The following FAT1 variants were observed in gnomAD, a reference collection of about 807,000 sequenced individuals.
FAT1 encodes protocadherin Fat 1.
Under a neutral mutation model 329.8 loss-of-function variants are expected in FAT1, and 171 were observed. That is an observed-to-expected ratio of 0.52 (90% confidence interval 0.46 to 0.59). The LOEUF is 0.59. Among genes scored for constraint, FAT1 ranks in the 20% least tolerant of loss-of-function variants. The pLI, the probability that FAT1 is intolerant of heterozygous loss-of-function variation, is 0.00. For missense variants in FAT1, 5,672 were observed against 5,774.4 expected, an observed-to-expected ratio of 0.98 and a Z score of 0.57; for synonymous variants, 2,233 against 2,228.6, an observed-to-expected ratio of 1.00 and a Z score of -0.06.
chr4:186,713,361 T>C (rs1435095148), intron 1 of FAT1, among the ~76,000 whole-genome samples: 6 of 152,144 alleles, frequency 3.9e-5, no homozygotes, highest in African/African-American at 1.2e-4. Flanking sequence ...CCTGATTAGA[T>C]TGGGGTTCTG....
At chr4:186,686,240 C>A (rs1214067197) in intron 2 of FAT1, among the ~76,000 whole-genome samples, 2 of 143,316 alleles carry the variant, frequency 1.4e-5, no homozygotes, top group African/African-American at 5.1e-5. Flanking sequence ...GAATTTTCAC[C>A]CCCCCCCGAC....
Position 186,609,806 on chromosome 4 carries a change from TGACA to T in FAT1, c.10059_10062del (p.Val3354SerfsTer21). The T allele has an allele frequency of 6.2e-7, 1 of 1,609,756 alleles. No individual in the cohort carries two copies. The highest frequency in any genetic ancestry group is 8.5e-7 in the Non-Finnish European group (1 of 1,175,974). On this transcript the variant is annotated frameshift_variant, in exon 15 of 27. Coordinates refer to ENST00000441802, the MANE Select transcript of FAT1 (RefSeq NM_005245.4). LOFTEE classifies it high-confidence loss of function. Reference sequence around the variant, plus strand: ...AATGGGGAAAAAATACACACCGTGATGACAGACTGCTCAAGAACGGCATCTTCAC... The same window carrying T: ...AATGGGGAAAAAATACACACCGTGATGACTGCTCAAGAACGGCATCTTCAC...
At chr4:186,668,064 G>A (rs558793885) in intron 2 of FAT1, among the ~76,000 whole-genome samples, 65 of 152,278 alleles carry the variant, frequency 4.3e-4, no homozygotes, top group Admixed American at 1.6e-3. Flanking sequence ...GACGGGAGAC[G>A]ATCTGAGGAT....
At chr4:186,702,431 C>T (rs1402594295) in intron 2 of FAT1, among the ~76,000 whole-genome samples, 3 of 152,078 alleles carry the variant, frequency 2.0e-5, no homozygotes, top group Non-Finnish European at 4.4e-5. Flanking sequence ...TCCTGGGCTG[C>T]TTTGTATACT....
intron 2 of FAT1, among the ~76,000 whole-genome samples, chr4:186,673,660 A>G (rs1249123069): frequency 1.3e-5 from 2 of 152,254 alleles, no homozygotes; most frequent in Non-Finnish European, 2.9e-5. Context: ...TGCTGCAATA[A>G]CTTCAAAATT....
At position 186,617,204 on chromosome 4, in the gene FAT1, A is replaced by G. The variant is rs1560937360; in HGVS notation, c.8879-3T>C. ...AAACTGTCCTAAAGGATCCCCTCCT[A>G]TTAAATCAATGGAGGAAGATAATAA... On this transcript the variant is annotated splice_polypyrimidine_tract_variant and splice_region_variant and intron_variant, in intron 10 of 26. Coordinates refer to ENST00000441802, the MANE Select transcript of FAT1 (RefSeq NM_005245.4). The G allele has an allele frequency of 6.4e-7, 1 of 1,555,574 alleles. No individual in the cohort carries two copies. Among genetic ancestry groups the G allele is most frequent in the Non-Finnish European group, 8.7e-7 (1 of 1,147,410 alleles).
At chr4:186,602,700 G>A (rs1460881815) in intron 20 of FAT1, among the ~76,000 whole-genome samples, 1 of 152,132 alleles carries the variant, frequency 6.6e-6, no homozygotes, top group African/African-American at 2.4e-5. Flanking sequence ...CACAGGAGGA[G>A]GGACACCAAC....
At chr4:186,614,112 TTG>T in intron 12 of FAT1, 77 bp downstream of exon 12, 6 of 1,265,432 alleles carry the variant, frequency 4.7e-6, no homozygotes, top group Non-Finnish European at 6.5e-6. Context: ...ATTTCAAATT[TTG>T]TGTGTGATCT....
At chr4:186,632,239 A>G (rs962373862) in intron 7 of FAT1, among the ~76,000 whole-genome samples, 3 of 152,210 alleles carry the variant, frequency 2.0e-5, no homozygotes, top group South Asian at 2.1e-4. Context: ...ATTATTGGGA[A>G]AGAGGTGCAC....
At chr4:186,676,801 T>C (rs977426038) in intron 2 of FAT1, among the ~76,000 whole-genome samples, 5 of 152,184 alleles carry the variant, frequency 3.3e-5, no homozygotes, top group African/African-American at 1.2e-4. Flanking sequence ...AAGGGCCAGT[T>C]TTCCTGTTTC....
intron 1 of FAT1, among the ~76,000 whole-genome samples, chr4:186,718,827 C>T (rs1394594709): frequency 2.6e-5 from 4 of 152,282 alleles, no homozygotes; most frequent in Middle Eastern, 3.4e-3. Flanking sequence ...CTCCGCCAAA[C>T]GCTGCTCCAC....
At chr4:186,624,136 C>T (rs1251480726) in intron 9 of FAT1, among the ~76,000 whole-genome samples, 4 of 148,988 alleles carry the variant, frequency 2.7e-5, no homozygotes, top group African/African-American at 4.9e-5. Context: ...TGCTGTTGAA[C>T]GACTTCCTAA....
chr4:186,648,713 C>G (rs1294792991), intron 3 of FAT1, among the ~76,000 whole-genome samples: 1 of 152,058 alleles, frequency 6.6e-6, no homozygotes, highest in Non-Finnish European at 1.5e-5. Flanking sequence ...CTGCTCGAGC[C>G]TTTTCCTGCA....
intron 13 of FAT1, among the ~76,000 whole-genome samples, chr4:186,612,012 T>A (rs904462983): frequency 2.0e-5 from 3 of 151,810 alleles, no homozygotes; most frequent in Non-Finnish European, 4.4e-5. Context: ...GGTTTCTCCA[T>A]GTTGGCCAGG....
chr4:186,632,577 G>C (rs1393242701), intron 7 of FAT1, among the ~76,000 whole-genome samples: 5 of 151,996 alleles, frequency 3.3e-5, no homozygotes, highest in Non-Finnish European at 7.4e-5. Context: ...ACTTTTACAA[G>C]ACAATCTCAA....
intron 2 of FAT1, among the ~76,000 whole-genome samples, chr4:186,682,483 C>T (rs533313870): frequency 1.3e-4 from 18 of 140,016 alleles, no homozygotes; most frequent in African/African-American, 5.1e-4. Flanking sequence ...GCTAAGATCA[C>T]ACCACCGCAC....
chr4:186,635,630 A>G (rs919548580), intron 6 of FAT1, among the ~76,000 whole-genome samples: 2 of 152,186 alleles, frequency 1.3e-5, no homozygotes, highest in African/African-American at 2.4e-5. Context: ...TGTTCCAATC[A>G]TATTCACTAA....
At position 186,618,028 on chromosome 4, in the gene FAT1, C is replaced by A. The variant is rs771064453; in HGVS notation, c.8558G>T (p.Ser2853Ile). ...QVMYSLDQSQ[S>I]VEVIESFAIN... ...GGCAAAGGATTCAATGACTTCCACA[C>A]TTTGTGACTGATCCAGGCTATACAT... Residue 2853 changes from serine to isoleucine, a missense_variant, in exon 10 of 27, where the codon AGT (serine) becomes ATT (isoleucine). Ser to Ile is a moderately radical substitution (Grantham distance 142). Transcript: ENST00000441802. The A allele has an allele frequency of 8.7e-6, 14 of 1,614,034 alleles. 1 individual carries two copies. The South Asian group carries it at 1.3e-4, about 15-fold the overall frequency.
chr4:186,614,496 T>G (rs898214023), intron 11 of FAT1, among the ~76,000 whole-genome samples, 152 bp from the exon 12 acceptor site: 1 of 152,226 alleles, frequency 6.6e-6, no homozygotes, highest in African/African-American at 2.4e-5. Flanking sequence ...AAAACGATTT[T>G]TCTCATAAAA....
Sources: gnomAD v4.1 joint callset for allele counts (sites outside exome capture counted in the v4.1 genomes callset) on GRCh38, gnomAD v4.1.1 for gene constraint, MANE v1.5 for transcripts, NCBI Gene and HGNC (gene_info 2026-07-23, HGNC 2026-07-21) for gene names.